Variants in NPAS3 observed in about 807,000 individuals in gnomAD.
NPAS3 encodes neuronal PAS domain-containing protein 3.
In NPAS3, 14 loss-of-function variants were observed where a neutral mutation model predicts 73.1. That is an observed-to-expected ratio of 0.19 (90% confidence interval 0.13 to 0.30). NPAS3 has a LOEUF of 0.30. Among genes scored for constraint, NPAS3 ranks in the 10% least tolerant of loss-of-function variants. NPAS3 has a pLI of 1.00. For synonymous variants in NPAS3, 620 were observed against 541.5 expected, an observed-to-expected ratio of 1.14 and a Z score of -2.01; for missense variants, 1,096 against 1,250.0, an observed-to-expected ratio of 0.88 and a Z score of 1.86.
At chr14:33,266,004 TA>T (rs1594550207) in intron 3 of NPAS3, among the ~76,000 whole-genome samples, 1 of 151,138 alleles carries the variant, frequency 6.6e-6, no homozygotes, top group Non-Finnish European at 1.5e-5. Flanking sequence ...GTAATATAAA[TA>T]AAAATATATA....
rs190995727 is a variant in NPAS3, at chr14:33,501,852, T to C, written c.469-58269T>C. 2.3e-4 allele frequency among the ~76,000 whole-genome samples: 35 copies of C among 152,020 alleles called. 1 individual carries two copies. Among genetic ancestry groups the C allele is most frequent in the African/African-American group, 7.5e-4 (31 of 41,520 alleles). On this transcript the variant is annotated intron_variant, in intron 4 of 11. Coordinates refer to ENST00000356141, the Ensembl canonical transcript of NPAS3. ...TGCTAGGTGTCACAGTCTCAGGAAG[T>C]TGTATGTCACAAAACAAAGAGATAA...
At chr14:33,415,490 T>C (rs1324547697) in intron 4 of NPAS3, among the ~76,000 whole-genome samples, 1 of 152,138 alleles carries the variant, frequency 6.6e-6, no homozygotes, top group Admixed American at 6.6e-5. Context: ...GTTAATCCTA[T>C]TTTATATTAA....
intron 4 of NPAS3, among the ~76,000 whole-genome samples, chr14:33,411,850 T>G (rs2047941524): frequency 6.6e-6 from 1 of 152,146 alleles, no homozygotes; most frequent in Admixed American, 6.6e-5. Context: ...TGTCATCTAC[T>G]CCAATGATCA....
At chr14:33,455,449 C>G (rs892294346) in intron 4 of NPAS3, among the ~76,000 whole-genome samples, 1 of 152,112 alleles carries the variant, frequency 6.6e-6, no homozygotes. Context: ...GAGAGTGGAA[C>G]GGGGCAGTTT....
At chr14:33,317,737 C>A (rs1006030795) in intron 3 of NPAS3, among the ~76,000 whole-genome samples, 4 of 152,028 alleles carry the variant, frequency 2.6e-5, no homozygotes, top group African/African-American at 9.7e-5. Context: ...CCCAGCCATG[C>A]TAAACTGTGA....
chr14:33,113,116 G>C (rs1446027502), intron 2 of NPAS3, among the ~76,000 whole-genome samples: 1 of 152,104 alleles, frequency 6.6e-6, no homozygotes, highest in Non-Finnish European at 1.5e-5. Flanking sequence ...CTCCAGCTTT[G>C]TTCTTTTGGC....
intron 2 of NPAS3, among the ~76,000 whole-genome samples, chr14:33,142,041 C>T (rs571856296): frequency 1.3e-5 from 2 of 152,072 alleles, no homozygotes; most frequent in Admixed American, 6.6e-5. Flanking sequence ...TTTTGCCATT[C>T]AATGGGCTCT....
rs113897291 is a variant in NPAS3, at chr14:33,557,963, C to A, written c.469-2158C>A. Among the ~76,000 whole-genome samples the A allele has an allele frequency of 2.6e-5, 4 of 151,850 alleles. No homozygotes were observed. In the East Asian group the frequency reaches 7.7e-4, roughly 29 times the overall value. On this transcript the variant is annotated intron_variant, in intron 4 of 11. Transcript: ENST00000356141. ...CAGCCTGGGTGACAGAGCAAGACTC[C>A]GTCTCAAAAAAATAAAAAAAATGTA...
intron 3 of NPAS3, among the ~76,000 whole-genome samples, chr14:33,342,609 T>C (rs1252871015): frequency 1.3e-5 from 2 of 152,250 alleles, no homozygotes; most frequent in Non-Finnish European, 2.9e-5. Flanking sequence ...TAAGCCTGTG[T>C]GTTTTTCATA....
intron 1 of NPAS3, among the ~76,000 whole-genome samples, chr14:33,027,253 T>G (rs2039838310): frequency 6.6e-6 from 1 of 151,950 alleles, no homozygotes; most frequent in Admixed American, 6.6e-5. Flanking sequence ...CTTCTAGGAG[T>G]TTACATAGAT....
At chr14:33,758,377 G>A (rs1009774631) in intron 7 of NPAS3, among the ~76,000 whole-genome samples, 1 of 152,210 alleles carries the variant, frequency 6.6e-6, no homozygotes, top group Non-Finnish European at 1.5e-5. Flanking sequence ...TGCCTTGTCA[G>A]GATGGCTCTC....
At chr14:33,722,584 A>G (rs1397535529) in intron 6 of NPAS3, among the ~76,000 whole-genome samples, 1 of 152,192 alleles carries the variant, frequency 6.6e-6, no homozygotes, top group Non-Finnish European at 1.5e-5. Flanking sequence ...ACTTCTTGCA[A>G]AAGATTAGAT....
intron 5 of NPAS3, among the ~76,000 whole-genome samples, chr14:33,576,856 AG>A (rs1567021879): frequency 6.6e-6 from 1 of 152,232 alleles, no homozygotes; most frequent in Non-Finnish European, 1.5e-5. Flanking sequence ...AGCAGAGAGT[AG>A]GCCCTCAGAG....
At chr14:33,668,974 C>T (rs761366042) in intron 5 of NPAS3, among the ~76,000 whole-genome samples, 8 of 152,102 alleles carry the variant, frequency 5.3e-5, no homozygotes, top group Non-Finnish European at 7.4e-5. Context: ...TACTGAAGTC[C>T]GGCTATGCAT....
chr14:33,398,407 T>A (rs1223678652), intron 4 of NPAS3, among the ~76,000 whole-genome samples: 6 of 142,832 alleles, frequency 4.2e-5, no homozygotes, highest in Non-Finnish European at 3.0e-5. Flanking sequence ...TATTTTCCTT[T>A]AAAAAAAAAA....
rs971265464 is a variant in NPAS3, at chr14:33,703,946, A to C, written c.733+27561A>C. Among the ~76,000 whole-genome samples, 4 of 152,212 alleles carry C rather than the reference A, an allele frequency of 2.6e-5. No homozygotes were observed. In the East Asian group the frequency reaches 7.7e-4, roughly 29 times the overall value. ...TCTGTACCAAGAGCAGAGACTCTAAAGTCAGGCACACTTGACTTTGAATCT... is the reference window on the plus strand; with the variant it reads ...TCTGTACCAAGAGCAGAGACTCTAACGTCAGGCACACTTGACTTTGAATCT... On this transcript the variant is annotated intron_variant, in intron 6 of 11. Coordinates refer to ENST00000356141, the Ensembl canonical transcript of NPAS3.
chr14:33,172,969 A>T (rs1298656266), intron 2 of NPAS3, among the ~76,000 whole-genome samples: 1 of 151,952 alleles, frequency 6.6e-6, no homozygotes, highest in Non-Finnish European at 1.5e-5. Context: ...TTTTCCTAAC[A>T]GATAGGAACA....
intron 4 of NPAS3, among the ~76,000 whole-genome samples, chr14:33,484,679 G>A (rs2051495002): frequency 6.6e-6 from 1 of 152,166 alleles, no homozygotes; most frequent in Admixed American, 6.5e-5. Context: ...AAAATACCTG[G>A]TCCATAAGCC....
intron 5 of NPAS3, among the ~76,000 whole-genome samples, chr14:33,654,247 T>C (rs1189460204): frequency 6.6e-6 from 1 of 152,184 alleles, no homozygotes; most frequent in Non-Finnish European, 1.5e-5. Flanking sequence ...TTAATCTCAG[T>C]TACATAAGTG....
Sources: allele counts gnomAD v4.1 joint callset (sites outside exome capture counted in the v4.1 genomes callset), GRCh38; gene constraint gnomAD v4.1.1; transcripts MANE v1.5; gene names NCBI Gene and HGNC (gene_info 2026-07-23, HGNC 2026-07-21).